UTRN: variants seen among roughly 807,000 people sequenced by gnomAD.
UTRN encodes utrophin.
UTRN carries 283 observed loss-of-function variants against 463.9 expected under a neutral mutation model. The ratio of observed to expected loss-of-function variants is 0.61; its 90% confidence interval spans 0.55 to 0.67. The LOEUF (loss-of-function observed/expected upper bound fraction) is 0.67. UTRN is among the 30% of genes least tolerant of loss of function. The pLI, the probability that UTRN is intolerant of heterozygous loss-of-function variation, is 0.00. For missense variants in UTRN, 3,922 were observed against 4,084.3 expected (o/e 0.96, Z 1.08); for synonymous variants, 1,442 against 1,431.5 (o/e 1.01, Z -0.17).
intron 2 of UTRN, among the ~76,000 whole-genome samples, chr6:144,324,604 G>A (rs1375193297): frequency 6.6e-6 from 1 of 152,216 alleles, no homozygotes; most frequent in Admixed American, 6.5e-5. Flanking sequence ...TGCTCCATGT[G>A]AAACTCAGTG....
At chr6:144,347,850 G>GTTTTTTTTTTT (rs1340536493) in intron 2 of UTRN, among the ~76,000 whole-genome samples, 5 of 128,606 alleles carry the variant, frequency 3.9e-5, no homozygotes, top group African/African-American at 1.7e-4. Flanking sequence ...TTTTTTTTTT[G>GTTTTTTTTTTT]TTTTTTTTTT....
chr6:144,488,228 TA>T (rs1792674816), intron 29 of UTRN, among the ~76,000 whole-genome samples: 1 of 152,180 alleles, frequency 6.6e-6, no homozygotes, highest in Non-Finnish European at 1.5e-5. Context: ...GTGCTGTAAA[TA>T]GTAGTTTGAT....
chr6:144,725,042 T>G (rs1787710011), intron 53 of UTRN, among the ~76,000 whole-genome samples: 1 of 152,224 alleles, frequency 6.6e-6, no homozygotes, highest in Non-Finnish European at 1.5e-5. Flanking sequence ...GTGATATGGT[T>G]TGGCTCTGTG....
chr6:144,349,307 C>A (rs918672966), intron 2 of UTRN, among the ~76,000 whole-genome samples: 2 of 151,974 alleles, frequency 1.3e-5, no homozygotes, highest in Admixed American at 6.6e-5. Flanking sequence ...GGCGCCTGGC[C>A]CTGAGCAGTT....
At chr6:144,741,326 T>C (rs909899719) in intron 54 of UTRN, among the ~76,000 whole-genome samples, 3 of 152,188 alleles carry the variant, frequency 2.0e-5, no homozygotes, top group Non-Finnish European at 1.5e-5. Context: ...TGGGCAGTCA[T>C]GTGGCAAGAA....
At chr6:144,606,921 C>T (rs139472184) in intron 51 of UTRN, among the ~76,000 whole-genome samples, 9 of 152,290 alleles carry the variant, frequency 5.9e-5, no homozygotes, top group South Asian at 2.1e-4. Context: ...TTCAGGTGAA[C>T]GCCTGTAAGG....
At chr6:144,616,087 A>G (rs1186791917) in intron 51 of UTRN, among the ~76,000 whole-genome samples, 1 of 152,074 alleles carries the variant, frequency 6.6e-6, no homozygotes, top group Admixed American at 6.6e-5. Flanking sequence ...ACTGATCTCC[A>G]TGTTGTAACT....
chr6:144,621,283 C>T (rs1269791565), intron 51 of UTRN, among the ~76,000 whole-genome samples: 5 of 152,124 alleles, frequency 3.3e-5, no homozygotes, highest in African/African-American at 7.2e-5. Flanking sequence ...TTTTAGAGAA[C>T]GATAGTTGTT....
chr6:144,458,162 C>T (rs1789061271), intron 19 of UTRN, among the ~76,000 whole-genome samples: 1 of 152,074 alleles, frequency 6.6e-6, no homozygotes. Context: ...CTTATTGCTG[C>T]CTCAGTCTTT....
At chr6:144,662,209 A>T (rs1354274124) in intron 51 of UTRN, among the ~76,000 whole-genome samples, 1 of 152,166 alleles carries the variant, frequency 6.6e-6, no homozygotes, top group Admixed American at 6.5e-5. Context: ...CAAAGTGTTA[A>T]TAAAATCCTT....
At chr6:144,626,934 C>T (rs1776007144) in intron 51 of UTRN, among the ~76,000 whole-genome samples, 1 of 152,202 alleles carries the variant, frequency 6.6e-6, no homozygotes, top group Admixed American at 6.5e-5. Context: ...TTTGTGTTAC[C>T]TGCATGTCTC....
Position 144,496,477 on chromosome 6 carries a change from CACTG to C in UTRN, c.4594-2775_4594-2772del, listed in dbSNP as rs561966277. Among the ~76,000 whole-genome samples, 725 of 152,246 alleles carry C rather than the reference CACTG, an allele frequency of 4.8e-3. 6 individuals carry two copies. Among genetic ancestry groups the C allele is most frequent in the Middle Eastern group, 0.01 (3 of 294 alleles). ...TTCGTTAAATATTATTATATTTATT[CACTG>C]ACTGGGCATTTTATGAATGGAATGG... On this transcript the variant is annotated intron_variant, in intron 33 of 74. Coordinates refer to ENST00000367545, the MANE Select transcript of UTRN (RefSeq NM_007124.3).
chr6:144,534,274 A>C lies in UTRN; in HGVS notation c.6233+1014A>C, dbSNP rs1797334161. Among the ~76,000 whole-genome samples the C allele has an allele frequency of 2.6e-5, 4 of 152,202 alleles. 1 individual carries two copies. In the South Asian group the frequency reaches 8.3e-4, roughly 32 times the overall value. On this transcript the variant is annotated intron_variant, in intron 43 of 74. Coordinates refer to ENST00000367545, the MANE Select transcript of UTRN (RefSeq NM_007124.3). ...GCACCTTGCACACATTGCCTTGTTT[A>C]GGAGTCATGACTCACCTCTTAGGGG... is the stretch of plus-strand genomic sequence containing the variant.
chr6:144,739,889 A>G (rs775959744), intron 54 of UTRN, among the ~76,000 whole-genome samples: 3 of 152,172 alleles, frequency 2.0e-5, no homozygotes, highest in Admixed American at 2.0e-4. Flanking sequence ...ATATCATGCT[A>G]AATGGAGGAA....
intron 48 of UTRN, among the ~76,000 whole-genome samples, chr6:144,552,632 G>T (rs1799027694): frequency 6.6e-6 from 1 of 151,978 alleles, no homozygotes; most frequent in South Asian, 2.1e-4. Context: ...TTCTGTGTGT[G>T]TAGAGGTTCT....
chr6:144,345,352 A>G (rs1777475873), intron 2 of UTRN, among the ~76,000 whole-genome samples: 1 of 152,176 alleles, frequency 6.6e-6, no homozygotes, highest in Admixed American at 6.5e-5. Flanking sequence ...CCAACACAAC[A>G]TCAAAATACC....
At chr6:144,840,699 AATTT>A in intron 72 of UTRN, 37 bp from the exon 73 acceptor site, 1 of 1,608,030 alleles carries the variant, frequency 6.2e-7, no homozygotes, top group East Asian at 2.2e-5. Flanking sequence ...GCTAGACATT[AATTT>A]GAGAAGCTTT....
At chr6:144,465,585 G>A (rs953944527) in intron 23 of UTRN, among the ~76,000 whole-genome samples, 2 of 152,078 alleles carry the variant, frequency 1.3e-5, no homozygotes, top group African/African-American at 2.4e-5. Flanking sequence ...TTTCTTAATT[G>A]TATAACTTCT....
intron 66 of UTRN, among the ~76,000 whole-genome samples, chr6:144,822,403 T>G (rs981272065): frequency 3.9e-5 from 6 of 152,128 alleles, no homozygotes; most frequent in Non-Finnish European, 7.4e-5. Context: ...TAGGTCCATG[T>G]ATAACACATA....
Sources: gnomAD v4.1 joint callset for allele counts (sites outside exome capture counted in the v4.1 genomes callset) on GRCh38, gnomAD v4.1.1 for gene constraint, MANE v1.5 for transcripts, NCBI Gene and HGNC (gene_info 2026-07-23, HGNC 2026-07-21) for gene names.